Variants in RASA1 observed in about 807,000 individuals in gnomAD.
The protein encoded by RASA1 is RAS p21 protein activator 1, also known as ras GTPase-activating protein 1.
Under a neutral mutation model 132.2 loss-of-function variants are expected in RASA1, and 25 were observed. That is an observed-to-expected ratio of 0.19 (90% confidence interval 0.14 to 0.26). The LOEUF (loss-of-function observed/expected upper bound fraction) is 0.26, where lower values mean the gene tolerates loss of function less well. RASA1 is among the 10% of genes least tolerant of loss of function. The pLI is 1.00. For missense variants in RASA1, 964 were observed against 1,299.2 expected (o/e 0.74, Z 3.97); for synonymous variants, 477 against 449.9 (o/e 1.06, Z -0.76).
chr5:87,275,316 G>T (rs988134841), intron 1 of RASA1, among the ~76,000 whole-genome samples: 3 of 152,102 alleles, frequency 2.0e-5, no homozygotes, highest in African/African-American at 7.2e-5. Context: ...GTATTGTTTT[G>T]GTTATCTATT....
intron 13 of RASA1, 68 bp downstream of exon 13, chr5:87,372,263 A>C (rs1761003895): frequency 1.4e-6 from 2 of 1,430,644 alleles, no homozygotes; most frequent in Non-Finnish European, 2.0e-6. Context: ...TTTTTATTTT[A>C]TTTTTATCTG....
intron 15 of RASA1, 25 bp from the exon 16 acceptor site, chr5:87,376,368 A>G (rs748099200): frequency 2.9e-5 from 46 of 1,613,044 alleles, no homozygotes; most frequent in Non-Finnish European, 3.8e-5. Flanking sequence ...TTTTTAAACA[A>G]TAATTGCTTG....
At chr5:87,350,522 T>A (rs1304100013) in intron 8 of RASA1, among the ~76,000 whole-genome samples, 1 of 151,746 alleles carries the variant, frequency 6.6e-6, no homozygotes, top group African/African-American at 2.4e-5. Context: ...TTGAAGTTCG[T>A]TTTGTTACTA....
At position 87,374,820 on chromosome 5, in the gene RASA1, T is replaced by C. The variant is rs1353806482; in HGVS notation, c.1935-20T>C. ...GATGCCAAAACATTTTGTTAATTCT[T>C]TTTCTCCTTGCTCCTTTAGTGATCT... is the stretch of plus-strand genomic sequence containing the variant. On this transcript the variant is annotated intron_variant, in intron 14 of 24. Coordinates refer to ENST00000274376, the MANE Select transcript of RASA1 (RefSeq NM_002890.3). 1.9e-6 allele frequency: 3 copies of C among 1,608,744 alleles called. No homozygotes were observed. Among genetic ancestry groups the C allele is most frequent in the Non-Finnish European group, 2.5e-6 (3 of 1,177,166 alleles).
intron 9 of RASA1, among the ~76,000 whole-genome samples, chr5:87,357,938 G>A (rs1225822029): frequency 6.6e-6 from 1 of 152,168 alleles, no homozygotes; most frequent in Non-Finnish European, 1.5e-5. Context: ...AAACTATTAA[G>A]TGCTATTTGT....
At chr5:87,371,186 A>G (rs1018946110) in intron 12 of RASA1, among the ~76,000 whole-genome samples, 1 of 152,074 alleles carries the variant, frequency 6.6e-6, no homozygotes, top group Non-Finnish European at 1.5e-5. Context: ...ACATTTTTTA[A>G]TGTATTTATA....
At chr5:87,365,124 G>C (rs908641050) in intron 11 of RASA1, among the ~76,000 whole-genome samples, 2 of 152,088 alleles carry the variant, frequency 1.3e-5, no homozygotes, top group South Asian at 2.1e-4. Flanking sequence ...TTGGAGGATG[G>C]GTATGAATTC....
chr5:87,271,570 G>A (rs114948505), intron 1 of RASA1, among the ~76,000 whole-genome samples: 3,678 of 130,548 alleles, frequency 0.028, 108 homozygotes, highest in African/African-American at 0.067. Flanking sequence ...GCCCCTCCCC[G>A]CCTTCAGGTT....
At position 87,374,327 on chromosome 5, in the gene RASA1, C is replaced by T. The variant is rs1761160900; in HGVS notation, c.1934+7C>T. 1 of 1,597,662 alleles carries T rather than the reference C, an allele frequency of 6.3e-7. No individual in the cohort carries two copies. Among genetic ancestry groups the T allele is most frequent in the Non-Finnish European group, 8.5e-7 (1 of 1,169,906 alleles). On this transcript the variant is annotated splice_region_variant and intron_variant, in intron 14 of 24. Coordinates refer to ENST00000274376, the MANE Select transcript of RASA1 (RefSeq NM_002890.3). ...CAGAAGAGTTTGTCTTTGAGTAAGT[C>T]TTATTTTATCATTACATTAATCATT...
chr5:87,295,593 C>A (rs1204488434), intron 1 of RASA1, among the ~76,000 whole-genome samples: 1 of 152,032 alleles, frequency 6.6e-6, no homozygotes, highest in Admixed American at 6.6e-5. Context: ...ACTGCTCCAT[C>A]TCCCTGGCTC....
chr5:87,269,038 A>G (rs1294604412), intron 1 of RASA1, 48 bp downstream of exon 1: 1 of 1,614,228 alleles, frequency 6.2e-7, no homozygotes, highest in South Asian at 1.1e-5. Context: ...GCTCCAGAAA[A>G]GAAGTGGAAA....
At chr5:87,378,686 A>T in intron 18 of RASA1, 148 bp downstream of exon 18, 1 of 863,396 alleles carries the variant, frequency 1.2e-6, no homozygotes, top group Non-Finnish European at 1.7e-6. Flanking sequence ...TACATTTATA[A>T]AAATGTTCTG....
In RASA1 at chr5:87,268,858, C is replaced by T. The variant is rs769463654; in HGVS notation, c.407C>T (p.Pro136Leu). Residue 136 changes from proline to leucine, a missense_variant, in exon 1 of 25, where the codon CCT (proline) becomes CTT (leucine). This residue lies in a region of RASA1 where 326 missense variants were observed against 275.8 expected (regional missense o/e 1.18). Coordinates refer to ENST00000274376, the MANE Select transcript of RASA1 (RefSeq NM_002890.3). ...ETLGPGGGFP[P>L]LPPPPYLPPL... The stretch of plus-strand genomic sequence containing the variant: ...CTCGGGCCAGGCGGCGGTTTTCCCC[C>T]TCTGCCCCCTCCCCCTTACCTGCCC... 2.1e-5 allele frequency: 34 copies of T among 1,614,086 alleles called. No individual in the cohort carries two copies. The highest frequency in any genetic ancestry group is 1.6e-4 in the East Asian group (7 of 44,898).
intron 23 of RASA1, 29 bp downstream of exon 23, chr5:87,386,932 T>G: frequency 6.4e-7 from 1 of 1,558,864 alleles, no homozygotes. Context: ...GGTACTTTTT[T>G]TAAGACTTCT....
chr5:87,339,735 G>C (rs1258562832), intron 5 of RASA1, among the ~76,000 whole-genome samples: 1 of 152,112 alleles, frequency 6.6e-6, no homozygotes, highest in African/African-American at 2.4e-5. Flanking sequence ...ATGTGATGTG[G>C]TTGCTAAAAA....
intron 1 of RASA1, among the ~76,000 whole-genome samples, chr5:87,296,127 T>TC (rs1755110062): frequency 6.6e-6 from 1 of 152,092 alleles, no homozygotes; most frequent in South Asian, 2.1e-4. Context: ...TTTTTTTTTT[T>TC]CTTTTTTTTC....
At chr5:87,289,920 T>C (rs1754843281) in intron 1 of RASA1, among the ~76,000 whole-genome samples, 1 of 152,044 alleles carries the variant, frequency 6.6e-6, no homozygotes, top group Non-Finnish European at 1.5e-5. Context: ...AATTTTGTTG[T>C]TGTTGTTAAT....
At chr5:87,290,703 T>G (rs905060738) in intron 1 of RASA1, among the ~76,000 whole-genome samples, 10 of 152,240 alleles carry the variant, frequency 6.6e-5, no homozygotes, top group African/African-American at 2.4e-4. Flanking sequence ...CTCCATAGTT[T>G]TACCTTCTCC....
At chr5:87,350,093 AT>A (rs1425218801) in intron 8 of RASA1, among the ~76,000 whole-genome samples, 4 of 151,860 alleles carry the variant, frequency 2.6e-5, no homozygotes, top group Admixed American at 1.3e-4. Context: ...AGTATTCTCT[AT>A]CTGAATTAGA....
Sources: gnomAD v4.1 joint callset for allele counts (sites outside exome capture counted in the v4.1 genomes callset) on GRCh38, gnomAD v4.1.1 for gene constraint, gnomAD v4.1.1 regional missense constraint, MANE v1.5 for transcripts, NCBI Gene and HGNC (gene_info 2026-07-23, HGNC 2026-07-21) for gene names.